OOSP1: variants seen among roughly 807,000 people sequenced by gnomAD.
OOSP1 encodes oocyte secreted protein 1.
Under a neutral mutation model 5.7 loss-of-function variants are expected in OOSP1, and 11 were observed. That is an observed-to-expected ratio of 1.94 (90% confidence interval 1.22 to 3.20). OOSP1 has a LOEUF of 3.20. Ranked by LOEUF, OOSP1 falls within the 30% of genes most tolerant of loss-of-function variation. The probability of loss-of-function intolerance (pLI) is 0.00; values close to 1 mark genes in which losing one functional copy is unlikely to be tolerated. For missense variants in OOSP1, 83 were observed against 54.1 expected (o/e 1.53, Z -1.67); for synonymous variants, 44 against 20.0 (o/e 2.20, Z -3.20).
chr11:59,949,405 A>G (rs2134571087), intron 4 of OOSP1, among the ~76,000 whole-genome samples: 1 of 152,192 alleles, frequency 6.6e-6, no homozygotes, highest in Non-Finnish European at 1.5e-5. Context: ...ATGATTGAGG[A>G]AAGAGCTCAA....
At chr11:59,948,693 C>T in intron 4 of OOSP1, 1 of 397,878 alleles carries the variant, frequency 2.5e-6, no homozygotes, top group African/African-American at 2.1e-5. Context: ...TGTCTTTCTT[C>T]CATTTTGGTA....
In OOSP1 at chr11:59,942,277, A is replaced by C. The variant is rs75473919; in HGVS notation, c.77-570A>C. On this transcript the variant is annotated intron_variant, in intron 1 of 4. Transcript: ENST00000646685. ...CAGATTGTATCAGAAAATTATTTCC[A>C]TTTCCAGAGTAAAAAAACTTAATGT... Among the ~76,000 whole-genome samples the C allele has an allele frequency of 2.0e-5, 3 of 152,304 alleles. No individual in the cohort carries two copies. The East Asian group carries it at 5.8e-4, about 29-fold the overall frequency.
chr11:59,941,626 G>C (rs11828708), intron 1 of OOSP1, among the ~76,000 whole-genome samples: 9,870 of 151,950 alleles, frequency 0.065, 1,056 homozygotes, highest in African/African-American at 0.22. Flanking sequence ...GATCCACCCG[G>C]CTCGCCCTCC....
intron 1 of OOSP1, among the ~76,000 whole-genome samples, chr11:59,939,793 TTTTCTC>T (rs1222641835): frequency 1.3e-5 from 2 of 151,976 alleles, no homozygotes; most frequent in Non-Finnish European, 2.9e-5. Flanking sequence ...TTTCTTTTCT[TTTTCTC>T]TTTCTCTTCT....
intron 4 of OOSP1, among the ~76,000 whole-genome samples, chr11:59,956,204 T>G (rs1459756958): frequency 6.7e-6 from 1 of 149,004 alleles, no homozygotes; most frequent in Non-Finnish European, 1.5e-5. Flanking sequence ...CTTCTTCTTT[T>G]TTTTTTTAAA....
At chr11:59,944,071 T>C (rs1332881119) in intron 2 of OOSP1, among the ~76,000 whole-genome samples, 1 of 152,182 alleles carries the variant, frequency 6.6e-6, no homozygotes, top group Non-Finnish European at 1.5e-5. Context: ...TGAGCTGTGA[T>C]GCAGGCTTAG....
In OOSP1 at chr11:59,944,174, G is replaced by A. The variant is rs75157236; in HGVS notation, c.259-995G>A. Among the ~76,000 whole-genome samples the A allele has an allele frequency of 4.7e-4, 71 of 152,248 alleles. 2 individuals carry two copies. The East Asian group carries it at 0.013, about 29-fold the overall frequency. On this transcript the variant is annotated intron_variant, in intron 2 of 4. Transcript: ENST00000646685. ...CCCTGGGAGAGGGGTGTGGCCAGGG[G>A]TAAGACAGCCCTCAGCAGCTACATA...
exon 1 of OOSP1, chr11:59,938,470 G>C: frequency 3.2e-6 from 2 of 625,608 alleles, no homozygotes; most frequent in Non-Finnish European, 5.8e-6. Flanking sequence ...GACCATTCTG[G>C]GGTTCAAAGG....
At chr11:59,946,763 T>C (rs1316712046) in intron 3 of OOSP1, among the ~76,000 whole-genome samples, 1 of 151,570 alleles carries the variant, frequency 6.6e-6, no homozygotes, top group Non-Finnish European at 1.5e-5. Flanking sequence ...GCATGTACTA[T>C]GCAGGGCTGA....
intron 4 of OOSP1, among the ~76,000 whole-genome samples, chr11:59,954,161 G>A (rs1392030830): frequency 4.6e-5 from 7 of 152,146 alleles, no homozygotes; most frequent in East Asian, 3.9e-4. Context: ...CAGGGTACAC[G>A]TGTATAGAGA....
At chr11:59,951,883 G>A (rs937792997) in intron 4 of OOSP1, among the ~76,000 whole-genome samples, 12 of 145,784 alleles carry the variant, frequency 8.2e-5, no homozygotes, top group African/African-American at 2.6e-4. Flanking sequence ...TTCCTAACTC[G>A]TCAGAATGCA....
chr11:59,942,844 C>A lies in OOSP1; in HGVS notation c.77-3C>A. On this transcript the variant is annotated splice_polypyrimidine_tract_variant and splice_region_variant and intron_variant, in intron 1 of 4. Transcript: ENST00000646685. ...AACAAAATTTCTTTTTCCTGCTTTTCAGCTATTCAAGTACACTGCACCCAG... is the reference window on the plus strand; with the variant it reads ...AACAAAATTTCTTTTTCCTGCTTTTAAGCTATTCAAGTACACTGCACCCAG... 1.4e-6 allele frequency: 1 copy of A among 698,222 alleles called. No homozygotes were observed. Among genetic ancestry groups the A allele is most frequent in the Admixed American group, 2.0e-5 (1 of 49,166 alleles). The allele number at this position is 698,222 out of a possible 1,614,324, so 43.3% of individuals were successfully genotyped here.
At chr11:59,955,668 G>A (rs1173778751) in intron 4 of OOSP1, among the ~76,000 whole-genome samples, 1 of 151,900 alleles carries the variant, frequency 6.6e-6, no homozygotes, top group Non-Finnish European at 1.5e-5. Context: ...GCCTGGGCTG[G>A]AGTGCAGAGG....
At chr11:59,945,675 C>T (rs1182674040) in intron 3 of OOSP1, among the ~76,000 whole-genome samples, 1 of 140,492 alleles carries the variant, frequency 7.1e-6, no homozygotes, top group East Asian at 2.1e-4. Flanking sequence ...GGCGTGAACC[C>T]AGGAGGCAGA....
intron 1 of OOSP1, among the ~76,000 whole-genome samples, chr11:59,942,006 G>A (rs1464300689): frequency 6.6e-6 from 1 of 152,144 alleles, no homozygotes; most frequent in Non-Finnish European, 1.5e-5. Context: ...AATATGTATA[G>A]CCCCTTCTGT....
Position 59,945,672 on chromosome 11 carries a change from A to T in OOSP1, c.356+406A>T, listed in dbSNP as rs150506374. Among the ~76,000 whole-genome samples, 1,328 of 144,772 alleles carry T rather than the reference A, an allele frequency of 9.2e-3. 14 individuals carry two copies. The highest frequency in any genetic ancestry group is 0.013 in the Non-Finnish European group (885 of 66,856). 95.0% of individuals were successfully genotyped at this position (144,772 alleles called of 152,430 possible). ...AGCTTGAGGCAGCAGAATGGCGTGA[A>T]CCCAGGAGGCAGAGCTTGCAGTGAG... On this transcript the variant is annotated intron_variant, in intron 3 of 4. Coordinates refer to ENST00000646685, the Ensembl canonical transcript of OOSP1.
At chr11:59,953,249 C>T (rs905963937) in intron 4 of OOSP1, among the ~76,000 whole-genome samples, 3 of 152,036 alleles carry the variant, frequency 2.0e-5, no homozygotes. Flanking sequence ...AGGACTTTTG[C>T]TAGAGGAATT....
chr11:59,939,626 T>C (rs532511912), intron 1 of OOSP1, among the ~76,000 whole-genome samples: 1 of 151,364 alleles, frequency 6.6e-6, no homozygotes, highest in African/African-American at 2.4e-5. Context: ...CCTCTTCCCT[T>C]TCTATTACTC....
intron 4 of OOSP1, among the ~76,000 whole-genome samples, chr11:59,951,086 C>CA (rs1277828298): frequency 5.3e-5 from 8 of 151,266 alleles, no homozygotes; most frequent in Admixed American, 2.6e-4. Flanking sequence ...TATCAAATTG[C>CA]AAAAAAATCC....
Sources: allele counts gnomAD v4.1 joint callset (sites outside exome capture counted in the v4.1 genomes callset), GRCh38; gene constraint gnomAD v4.1.1; transcripts MANE v1.5; gene names NCBI Gene and HGNC (gene_info 2026-07-23, HGNC 2026-07-21).